SEMA6D: variants seen among roughly 807,000 people sequenced by gnomAD.
SEMA6D encodes the protein semaphorin-6D.
In SEMA6D, 35 loss-of-function variants were observed where a neutral mutation model predicts 106.6. That is an observed-to-expected ratio of 0.33 (90% CI 0.25 to 0.44). The LOEUF is 0.44. Ranked by LOEUF, SEMA6D falls within the 20% of genes least tolerant of loss-of-function variation. SEMA6D has a pLI of 1.00. For missense variants in SEMA6D, 1,185 were observed against 1,345.9 expected (o/e 0.88, Z 1.87); for synonymous variants, 499 against 487.7 (o/e 1.02, Z -0.31).
chr15:47,343,724 T>C (rs562561680), intron 1 of SEMA6D, among the ~76,000 whole-genome samples: 9 of 152,258 alleles, frequency 5.9e-5, no homozygotes, highest in African/African-American at 7.2e-5. Context: ...CATACGTGTG[T>C]GTGTGTCTTT....
chr15:47,466,163 G>A (rs1468375449), intron 2 of SEMA6D, among the ~76,000 whole-genome samples: 1 of 152,052 alleles, frequency 6.6e-6, no homozygotes, highest in Non-Finnish European at 1.5e-5. Flanking sequence ...TTCTGTGTGT[G>A]GTAAGCACAC....
chr15:47,676,225 A>G (rs1041371863), intron 4 of SEMA6D, among the ~76,000 whole-genome samples: 2 of 152,172 alleles, frequency 1.3e-5, no homozygotes, highest in Non-Finnish European at 2.9e-5. Context: ...AAATTCAATC[A>G]ACATTAAATG....
At chr15:47,368,188 C>G (rs910457309) in intron 1 of SEMA6D, among the ~76,000 whole-genome samples, 3 of 152,196 alleles carry the variant, frequency 2.0e-5, no homozygotes, top group Non-Finnish European at 4.4e-5. Context: ...GCCAGGCTCC[C>G]CAGCTTTGGC....
chr15:47,466,572 T>C (rs999796663), intron 2 of SEMA6D, among the ~76,000 whole-genome samples: 5 of 152,182 alleles, frequency 3.3e-5, no homozygotes, highest in South Asian at 2.1e-4. Flanking sequence ...TGAACACTTA[T>C]GTTGTTTTCA....
At chr15:47,610,591 C>G (rs1292513899) in intron 4 of SEMA6D, among the ~76,000 whole-genome samples, 1 of 152,194 alleles carries the variant, frequency 6.6e-6, no homozygotes, top group East Asian at 1.9e-4. Context: ...TATCATTTTT[C>G]ACTCTTTTGA....
chr15:47,208,969 G>A (rs921221769), intron 1 of SEMA6D, among the ~76,000 whole-genome samples: 1 of 152,146 alleles, frequency 6.6e-6, no homozygotes, highest in African/African-American at 2.4e-5. Context: ...ATAAGAAGGA[G>A]TCCAGTTTCA....
chr15:47,465,622 G>A (rs746645916), intron 2 of SEMA6D, among the ~76,000 whole-genome samples: 6 of 152,222 alleles, frequency 3.9e-5, no homozygotes, highest in Middle Eastern at 6.8e-3. Flanking sequence ...ATGATAGTGA[G>A]TTTTCATGAG....
At chr15:47,587,065 C>T (rs1051203934) in intron 3 of SEMA6D, among the ~76,000 whole-genome samples, 12 of 151,994 alleles carry the variant, frequency 7.9e-5, no homozygotes, top group Non-Finnish European at 1.3e-4. Context: ...GAGCAGCAGA[C>T]GGGAAGAAGG....
In SEMA6D at chr15:47,764,874, C is replaced by T. The variant is rs558421220; in HGVS notation, c.1254-9C>T. 6.2e-7 allele frequency: 1 copy of T among 1,613,760 alleles called. No homozygotes were observed. The highest frequency in any genetic ancestry group is 8.5e-7 in the Non-Finnish European group (1 of 1,179,770). On this transcript the variant is annotated splice_polypyrimidine_tract_variant and intron_variant, in intron 12 of 18. Coordinates refer to ENST00000536845, the MANE Select transcript of SEMA6D (RefSeq NM_001358351.3). ...CTCCCCTTCTGATCTGTGCCGCCTC[C>T]TCTTGTAGGTACAGACTGACGGCCA...
At chr15:47,219,618 A>G (rs1878196) in intron 1 of SEMA6D, among the ~76,000 whole-genome samples, 4,687 of 152,214 alleles carry the variant, frequency 0.031, 238 homozygotes, top group African/African-American at 0.11. Context: ...CATAAGAAAC[A>G]TGGTGTTTTT....
At chr15:47,740,608 C>T (rs1417487438) in intron 1 of SEMA6D, among the ~76,000 whole-genome samples, 1 of 152,196 alleles carries the variant, frequency 6.6e-6, no homozygotes, top group Non-Finnish European at 1.5e-5. Context: ...CATATCCACT[C>T]TGCCTGGTCA....
intron 3 of SEMA6D, among the ~76,000 whole-genome samples, chr15:47,559,216 T>C (rs1222620984): frequency 6.6e-6 from 1 of 151,862 alleles, no homozygotes; most frequent in Non-Finnish European, 1.5e-5. Context: ...TGAAAAAAAG[T>C]CTTAAAGTGT....
At chr15:47,264,277 A>G (rs2034212774) in intron 1 of SEMA6D, among the ~76,000 whole-genome samples, 1 of 152,034 alleles carries the variant, frequency 6.6e-6, no homozygotes, top group South Asian at 2.1e-4. Flanking sequence ...ACTCTGTACA[A>G]CAAACCCCAT....
chr15:47,301,065 TG>T (rs2035999676), intron 1 of SEMA6D, among the ~76,000 whole-genome samples: 1 of 152,204 alleles, frequency 6.6e-6, no homozygotes, highest in African/African-American at 2.4e-5. Context: ...AGAATGTGGC[TG>T]GGGCTGCATG....
At chr15:47,388,572 C>CA (rs761884540) in intron 1 of SEMA6D, among the ~76,000 whole-genome samples, 5 of 151,828 alleles carry the variant, frequency 3.3e-5, no homozygotes, top group African/African-American at 4.8e-5. Context: ...GCCATCAGAT[C>CA]AAAAAAACGT....
At chr15:47,707,107 T>G (rs2078926937) in intron 4 of SEMA6D, among the ~76,000 whole-genome samples, 1 of 152,240 alleles carries the variant, frequency 6.6e-6, no homozygotes, top group East Asian at 1.9e-4. Flanking sequence ...TGATTCTTTT[T>G]CCTCTGAAAT....
chr15:47,595,605 A>G (rs1347468), intron 3 of SEMA6D, among the ~76,000 whole-genome samples: 36,194 of 152,072 alleles, frequency 0.24, 5,177 homozygotes, highest in East Asian at 0.46. Flanking sequence ...TCATGAAAAG[A>G]GTTCCAAAGT....
chr15:47,263,620 A>G (rs1385155377), intron 1 of SEMA6D, among the ~76,000 whole-genome samples: 1 of 152,022 alleles, frequency 6.6e-6, no homozygotes, highest in Non-Finnish European at 1.5e-5. Context: ...TAGTTCAACC[A>G]TTGCGGAAGA....
intron 1 of SEMA6D, among the ~76,000 whole-genome samples, chr15:47,325,616 A>G (rs982652992): frequency 1.3e-5 from 2 of 152,124 alleles, no homozygotes; most frequent in Non-Finnish European, 2.9e-5. Context: ...CCTCTTTCCC[A>G]TTTAAATCTC....
Sources: gnomAD v4.1 joint callset for allele counts (sites outside exome capture counted in the v4.1 genomes callset) on GRCh38, gnomAD v4.1.1 for gene constraint, MANE v1.5 for transcripts, NCBI Gene and HGNC (gene_info 2026-07-23, HGNC 2026-07-21) for gene names.